BICC1: variants seen among roughly 807,000 people sequenced by gnomAD.
The protein encoded by BICC1 is BicC family RNA binding protein 1.
A neutral mutation model predicts 111.0 loss-of-function variants in BICC1; 43 were observed. The ratio of observed to expected loss-of-function variants is 0.39; its 90% CI spans 0.30 to 0.50. The LOEUF (loss-of-function observed/expected upper bound fraction) is 0.50, where lower values mean the gene tolerates loss of function less well. Ranked by LOEUF, BICC1 falls within the 20% of genes least tolerant of loss-of-function variation. The pLI is 0.88. For synonymous variants in BICC1, 467 were observed against 434.4 expected, an observed-to-expected ratio of 1.07 and a Z score of -0.93; for missense variants, 1,091 against 1,203.2, an observed-to-expected ratio of 0.91 and a Z score of 1.38.
chr10:58,825,051 G>A (rs977010180), intron 20 of BICC1, among the ~76,000 whole-genome samples: 26 of 152,162 alleles, frequency 1.7e-4, no homozygotes, highest in African/African-American at 6.3e-4. Context: ...ATTCAAATAG[G>A]GCACCTCAGG....
At chr10:58,639,411 T>TC (rs2132206168) in intron 2 of BICC1, among the ~76,000 whole-genome samples, 1 of 150,930 alleles carries the variant, frequency 6.6e-6, no homozygotes, top group East Asian at 1.9e-4. Flanking sequence ...TTTTTTTTTT[T>TC]TTTGAGACAG....
intron 1 of BICC1, among the ~76,000 whole-genome samples, chr10:58,599,121 A>G (rs962931748): frequency 2.0e-5 from 3 of 152,174 alleles, no homozygotes; most frequent in African/African-American, 7.2e-5. Context: ...AACCAGAAAT[A>G]CCATCTGGCC....
intron 2 of BICC1, among the ~76,000 whole-genome samples, chr10:58,696,045 G>A (rs911783771): frequency 3.9e-5 from 6 of 151,956 alleles, no homozygotes; most frequent in East Asian, 1.9e-4. Flanking sequence ...CAAAAAATTT[G>A]TAATTCTAGC....
At position 58,813,892 on chromosome 10, in the gene BICC1, T is replaced by C. The variant is rs781047263; in HGVS notation, c.2439T>C (p.Ser813=). 1 of 1,614,028 alleles carries C rather than the reference T, an allele frequency of 6.2e-7. No individual in the cohort carries two copies. Residue 813 remains serine, a synonymous_variant, in exon 18 of 21, where the codon TCT becomes TCC. Transcript: ENST00000373886. Reference sequence around the variant, plus strand: ...AGCACTTGGGAGGTGGAAGCGAATCTGATAACTGGAGAGACCGAAATGGAA... The same window carrying C: ...AGCACTTGGGAGGTGGAAGCGAATCCGATAACTGGAGAGACCGAAATGGAA... ...SREHLGGGSE[S]DNWRDRNGIG... is the part of the protein sequence containing the mutation.
At chr10:58,533,135 C>T (rs1022273045) in intron 1 of BICC1, among the ~76,000 whole-genome samples, 9 of 151,808 alleles carry the variant, frequency 5.9e-5, no homozygotes, top group Non-Finnish European at 1.2e-4. Context: ...AGAAGAAAAA[C>T]GTCTGGGAAA....
At chr10:58,579,129 C>T (rs1036198000) in intron 1 of BICC1, among the ~76,000 whole-genome samples, 2 of 152,126 alleles carry the variant, frequency 1.3e-5, no homozygotes, top group African/African-American at 4.8e-5. Flanking sequence ...CCCACTGAAG[C>T]CCCACTGGGA....
At chr10:58,796,966 C>T (rs974707158) in intron 10 of BICC1, among the ~76,000 whole-genome samples, 1 of 152,102 alleles carries the variant, frequency 6.6e-6, no homozygotes, top group Non-Finnish European at 1.5e-5. Flanking sequence ...GCAGAACCCG[C>T]ATCTCCAGTG....
At chr10:58,771,264 A>C (rs1842616505) in intron 3 of BICC1, among the ~76,000 whole-genome samples, 3 of 152,164 alleles carry the variant, frequency 2.0e-5, no homozygotes, top group Non-Finnish European at 4.4e-5. Context: ...TGACATTTTT[A>C]ATATAGAGGA....
At chr10:58,814,826 T>C (rs1445288501) in intron 18 of BICC1, among the ~76,000 whole-genome samples, 1 of 151,766 alleles carries the variant, frequency 6.6e-6, no homozygotes, top group Admixed American at 6.6e-5. Flanking sequence ...AAAAATGTGA[T>C]TGAATTAGCA....
intron 2 of BICC1, among the ~76,000 whole-genome samples, chr10:58,656,346 T>G (rs1838648295): frequency 6.6e-6 from 1 of 150,740 alleles, no homozygotes; most frequent in Admixed American, 6.6e-5. Context: ...CTAACTCATT[T>G]TATGAGGCCA....
chr10:58,741,509 A>G (rs1841663443), intron 3 of BICC1, among the ~76,000 whole-genome samples: 1 of 152,196 alleles, frequency 6.6e-6, no homozygotes, highest in Admixed American at 6.5e-5. Flanking sequence ...CATAACCTTT[A>G]ATTTGGCAAT....
intron 1 of BICC1, among the ~76,000 whole-genome samples, chr10:58,555,596 G>A (rs1019602683): frequency 6.6e-6 from 1 of 152,004 alleles, no homozygotes. Context: ...ATAATGATTA[G>A]CAGTTCTTTG....
intron 3 of BICC1, chr10:58,715,718 C>T: frequency 6.3e-7 from 1 of 1,575,334 alleles, no homozygotes; most frequent in South Asian, 1.1e-5. Flanking sequence ...AGAAAGGTTC[C>T]AAGGCTTTGG....
intron 20 of BICC1, among the ~76,000 whole-genome samples, chr10:58,824,800 G>C (rs773839500): frequency 4.6e-5 from 7 of 152,098 alleles, no homozygotes; most frequent in Non-Finnish European, 7.4e-5. Flanking sequence ...GAATAAATTT[G>C]AGGGTATTTG....
At chr10:58,526,892 G>A (rs977251911) in intron 1 of BICC1, among the ~76,000 whole-genome samples, 1 of 152,208 alleles carries the variant, frequency 6.6e-6, no homozygotes, top group Non-Finnish European at 1.5e-5. Context: ...AAACATACAT[G>A]TGCATGTATC....
At chr10:58,805,900 G>A (rs186370256) in intron 15 of BICC1, among the ~76,000 whole-genome samples, 1 of 152,258 alleles carries the variant, frequency 6.6e-6, no homozygotes. Context: ...ATCTATCTTA[G>A]TCCTCACATA....
At chr10:58,685,867 T>C (rs1365279801) in intron 2 of BICC1, among the ~76,000 whole-genome samples, 1 of 152,208 alleles carries the variant, frequency 6.6e-6, no homozygotes, top group Admixed American at 6.5e-5. Flanking sequence ...CATTTACATT[T>C]AAGGTTAGTA....
intron 2 of BICC1, among the ~76,000 whole-genome samples, chr10:58,671,618 G>A (rs923422255): frequency 6.6e-6 from 1 of 152,012 alleles, no homozygotes; most frequent in Admixed American, 6.6e-5. Context: ...TGGAAATTAG[G>A]GTGGGCTGCT....
At chr10:58,647,905 G>A (rs1372634635) in intron 2 of BICC1, among the ~76,000 whole-genome samples, 1 of 152,168 alleles carries the variant, frequency 6.6e-6, no homozygotes, top group East Asian at 1.9e-4. Context: ...AAGTTGATAA[G>A]CATGGTCCAT....
Sources: allele counts gnomAD v4.1 joint callset (sites outside exome capture counted in the v4.1 genomes callset), GRCh38; gene constraint gnomAD v4.1.1; transcripts MANE v1.5; gene names NCBI Gene and HGNC (gene_info 2026-07-23, HGNC 2026-07-21).